RNF6: variants seen among roughly 807,000 people sequenced by gnomAD.
The protein encoded by RNF6 is ring finger protein 6.
Under a neutral mutation model 50.1 loss-of-function variants are expected in RNF6, and 21 were observed. The observed-to-expected ratio is 0.42, with a 90% confidence interval of 0.30 to 0.60. The LOEUF (loss-of-function observed/expected upper bound fraction) is 0.60, where lower values mean the gene tolerates loss of function less well. Ranked by LOEUF, RNF6 falls within the 20% of genes least tolerant of loss-of-function variation. RNF6 has a pLI of 0.20. For synonymous variants in RNF6, 255 were observed against 291.8 expected, an observed-to-expected ratio of 0.87 and a Z score of 1.29; for missense variants, 698 against 838.2, an observed-to-expected ratio of 0.83 and a Z score of 2.07.
intron 5 of RNF6, among the ~76,000 whole-genome samples, chr13:26,195,456 A>C (rs1048385423): frequency 1.3e-5 from 2 of 152,192 alleles, no homozygotes; most frequent in African/African-American, 4.8e-5. Flanking sequence ...GAAAAAGAGA[A>C]AGGAAAGAAA....
At chr13:26,136,320 A>G (rs1168646914) in intron 5 of RNF6, among the ~76,000 whole-genome samples, 1 of 152,154 alleles carries the variant, frequency 6.6e-6, no homozygotes, top group African/African-American at 2.4e-5. Context: ...TCAAATCTAA[A>G]ATTATGTTGT....
Position 26,214,947 on chromosome 13 carries a change from C to T in RNF6, c.935G>A (p.Arg312His). ...GCCACTCTGTCTCTGAATTGGTGAACGGCTTCGACTATTGGAAGTAGATCG... is the reference window on the plus strand; with the variant it reads ...GCCACTCTGTCTCTGAATTGGTGAATGGCTTCGACTATTGGAAGTAGATCG... ...RLRSTSNSRSRSPIQRQSGTV... is the reference protein window; with the variant it reads ...RLRSTSNSRSHSPIQRQSGTV... The change falls in exon 5 of 5, where the codon CGT (arginine) becomes CAT (histidine). Residue 312 changes from arginine to histidine, a missense_variant. Physicochemically the swap from Arg to His is conservative, Grantham distance 29 (BLOSUM62 0). Transcript: ENST00000381588. The T allele has an allele frequency of 1.9e-6, 3 of 1,614,204 alleles. No homozygotes were observed. Among genetic ancestry groups the T allele is most frequent in the Non-Finnish European group, 2.5e-6 (3 of 1,180,046 alleles).
At chr13:26,161,629 G>T (rs1383150441) in intron 5 of RNF6, among the ~76,000 whole-genome samples, 1 of 152,130 alleles carries the variant, frequency 6.6e-6, no homozygotes, top group Admixed American at 6.6e-5. Context: ...TTAGTATACG[G>T]CAAAACTATT....
intron 5 of RNF6, among the ~76,000 whole-genome samples, chr13:26,188,623 C>CCT (rs1873665545): frequency 2.3e-5 from 1 of 43,258 alleles, no homozygotes; most frequent in Non-Finnish European, 3.9e-5. Flanking sequence ...GTCAAAAGAG[C>CCT]TTTTTTTTTT....
At chr13:26,207,569 A>C (rs774622172) in intron 5 of RNF6, among the ~76,000 whole-genome samples, 4 of 152,206 alleles carry the variant, frequency 2.6e-5, no homozygotes, top group Non-Finnish European at 5.9e-5. Context: ...AGGAATGAGG[A>C]AGAAGTCTGG....
chr13:26,172,285 T>C (rs1209502705), intron 5 of RNF6, among the ~76,000 whole-genome samples: 2 of 149,958 alleles, frequency 1.3e-5, no homozygotes, highest in Non-Finnish European at 3.0e-5. Context: ...TGGAAAAAAA[T>C]ACAGATCTCC....
intron 5 of RNF6, among the ~76,000 whole-genome samples, chr13:26,143,756 A>G (rs1871082628): frequency 2.6e-5 from 4 of 152,320 alleles, no homozygotes; most frequent in South Asian, 4.1e-4. Context: ...TTACAATTCT[A>G]TCAAGCCAGG....
chr13:26,219,452 C>A lies in RNF6; in HGVS notation c.193+5G>T, dbSNP rs565141959. The A allele has an allele frequency of 6.3e-7, 1 of 1,594,820 alleles. No individual in the cohort carries two copies. The highest frequency in any genetic ancestry group is 2.2e-5 in the East Asian group (1 of 44,628). On this transcript the variant is annotated splice_donor_5th_base_variant and intron_variant, in intron 3 of 4. Coordinates refer to ENST00000381588, the MANE Select transcript of RNF6 (RefSeq NM_005977.4). ...AGGGTGTTTCCTCTTTTACCCATCT[C>A]TTACCAGGGGTGCCTAAAAGATTAT...
rs2137813820 is a variant in RNF6 at position 26,222,097 on chromosome 13, G to A, written c.-196C>T. ...GCTGGAGGCTGTGGTTGGGAGGCGG[G>A]ATAGGCTTGCCGCCGCGCCTCCGGA... On this transcript the variant is annotated 5_prime_UTR_variant, in exon 1 of 5. Transcript: ENST00000381588. 6.6e-6 allele frequency: 1 copy of A among 152,572 alleles called. No homozygotes were observed. The highest frequency in any genetic ancestry group is 6.5e-5 in the Admixed American group (1 of 15,308). The allele number at this position is 152,572 out of a possible 1,614,324, so 9.5% of individuals were successfully genotyped here. A position where few individuals can be genotyped will look rare whatever the true frequency, so the allele number is the denominator to read the frequency against.
At chr13:26,198,589 A>T (rs902917638) in intron 5 of RNF6, among the ~76,000 whole-genome samples, 6 of 151,948 alleles carry the variant, frequency 3.9e-5, no homozygotes, top group African/African-American at 1.5e-4. Flanking sequence ...AACAGCAGAA[A>T]CAAGGCAATG....
At chr13:26,176,463 C>T (rs1339765123) in intron 5 of RNF6, among the ~76,000 whole-genome samples, 8 of 152,168 alleles carry the variant, frequency 5.3e-5, no homozygotes, top group Non-Finnish European at 1.0e-4. Context: ...CTCCCAGTCT[C>T]GTCTTTAAAG....
chr13:26,178,592 G>GTGTGTC (rs1491444576), intron 5 of RNF6, among the ~76,000 whole-genome samples: 1 of 13,180 alleles, frequency 7.6e-5, no homozygotes, highest in Non-Finnish European at 1.3e-4. Context: ...TGCCTGGTCC[G>GTGTGTC]TGTGTGTGTG....
intron 5 of RNF6, among the ~76,000 whole-genome samples, chr13:26,140,184 A>C (rs1870864018): frequency 6.6e-6 from 1 of 152,216 alleles, no homozygotes; most frequent in Non-Finnish European, 1.5e-5. Context: ...ATTTCATTTC[A>C]TTTTCTATTG....
intron 5 of RNF6, among the ~76,000 whole-genome samples, chr13:26,201,588 C>T (rs1868900167): frequency 6.6e-6 from 1 of 152,118 alleles, no homozygotes; most frequent in South Asian, 2.1e-4. Flanking sequence ...CTCAATAAAG[C>T]ACTTGTTTGA....
At chr13:26,185,770 A>C (rs1194877148) in intron 5 of RNF6, among the ~76,000 whole-genome samples, 3 of 152,228 alleles carry the variant, frequency 2.0e-5, no homozygotes, top group Non-Finnish European at 4.4e-5. Context: ...TACTTAAAGT[A>C]ATGCATTGTC....
intron 5 of RNF6, among the ~76,000 whole-genome samples, chr13:26,138,948 A>C (rs116384597): frequency 0.011 from 1,626 of 152,290 alleles, 30 homozygotes; most frequent in African/African-American, 0.036. Context: ...TCCTCAAATT[A>C]TTCTTCTTCT....
At chr13:26,218,874 G>A (rs1417302025) in intron 3 of RNF6, among the ~76,000 whole-genome samples, 1 of 152,022 alleles carries the variant, frequency 6.6e-6, no homozygotes, top group Non-Finnish European at 1.5e-5. Context: ...GATACACTTA[G>A]GAATCTATAA....
Position 26,193,628 on chromosome 13 carries a change from A to C in RNF6, n.768+21846T>G, listed in dbSNP as rs1052132374. ...CTTCCAAGGAGTTTTGCAGTGAAGG[A>C]AAGTGGAGAGAGGGTAAGGTAGTTG... On this transcript the variant is annotated intron_variant and non_coding_transcript_variant, in intron 5 of 5. Coordinates refer to the RNF6 transcript ENST00000468480. Among the ~76,000 whole-genome samples, 12 of 152,294 alleles carry C rather than the reference A, an allele frequency of 7.9e-5. 1 individual carries two copies. In the South Asian group the frequency reaches 1.7e-3, roughly 21 times the overall value.
rs368287151 is a variant in RNF6 at position 26,214,077 on chromosome 13, C to T, written c.1805G>A (p.Arg602Gln). The T allele has an allele frequency of 3.6e-5, 58 of 1,613,998 alleles. No individual in the cohort carries two copies. The highest frequency in any genetic ancestry group is 4.4e-5 in the South Asian group (4 of 91,072). Reference sequence around the variant, plus strand: ...CTGCTCTTTGGTTAAACCACGTATTCGATCATCATCATCACTTTCATTTAG... The same window carrying T: ...CTGCTCTTTGGTTAAACCACGTATTTGATCATCATCATCACTTTCATTTAG... ...FLLNESDDDD[R>Q]IRGLTKEQID... Residue 602 changes from arginine to glutamine, a missense_variant, in exon 5 of 5, where the codon CGA becomes CAA. Coordinates refer to ENST00000381588, the MANE Select transcript of RNF6 (RefSeq NM_005977.4).
Sources: allele counts gnomAD v4.1 joint callset (sites outside exome capture counted in the v4.1 genomes callset), GRCh38; gene constraint gnomAD v4.1.1; transcripts MANE v1.5; gene names NCBI Gene and HGNC (gene_info 2026-07-23, HGNC 2026-07-21).